The following MYRIP variants were observed in gnomAD, a reference collection of about 807,000 sequenced individuals.
MYRIP encodes rab effector MyRIP.
In MYRIP, 49 loss-of-function variants were observed where a neutral mutation model predicts 98.0. The observed-to-expected ratio is 0.50, with a 90% CI of 0.40 to 0.63. The LOEUF is 0.63. MYRIP is among the 30% of genes least tolerant of loss of function. MYRIP has a pLI of 0.00. For synonymous variants in MYRIP, 404 were observed against 409.5 expected, an observed-to-expected ratio of 0.99 and a Z score of 0.16; for missense variants, 1,004 against 1,058.2, an observed-to-expected ratio of 0.95 and a Z score of 0.71.
intron 2 of MYRIP, among the ~76,000 whole-genome samples, chr3:39,913,775 A>G (rs1944083971): frequency 6.6e-6 from 1 of 152,202 alleles, no homozygotes; most frequent in Non-Finnish European, 1.5e-5. Flanking sequence ...CTCTGTGACT[A>G]AAAAATGGCC....
At chr3:40,225,091 A>G (rs1348977510) in intron 11 of MYRIP, among the ~76,000 whole-genome samples, 1 of 152,244 alleles carries the variant, frequency 6.6e-6, no homozygotes, top group Non-Finnish European at 1.5e-5. Context: ...AGGCATTTGG[A>G]CAAACTTTCT....
At chr3:40,115,841 C>T (rs1352529315) in intron 3 of MYRIP, among the ~76,000 whole-genome samples, 2 of 150,890 alleles carry the variant, frequency 1.3e-5, no homozygotes, top group Non-Finnish European at 2.9e-5. Flanking sequence ...ATTTATGTCA[C>T]GATTTTATTA....
chr3:39,826,097 C>G (rs926573654), intron 1 of MYRIP, among the ~76,000 whole-genome samples: 1 of 150,488 alleles, frequency 6.6e-6, no homozygotes, highest in Non-Finnish European at 1.5e-5. Context: ...AATAGTTTGT[C>G]AATTTTGTTT....
intron 2 of MYRIP, among the ~76,000 whole-genome samples, chr3:40,042,288 TAAAAAAAAAA>T (rs66600615): frequency 8.9e-6 from 1 of 112,580 alleles, no homozygotes; most frequent in African/African-American, 3.4e-5. Context: ...ACTGGAAGGA[TAAAAAAAAAA>T]AAAAAAAAAA....
chr3:40,132,607 G>T (rs557443950), intron 3 of MYRIP, among the ~76,000 whole-genome samples: 1 of 152,344 alleles, frequency 6.6e-6, no homozygotes, highest in African/African-American at 2.4e-5. Flanking sequence ...CTAGGGTTTT[G>T]ACCTCTCAGT....
At chr3:40,154,995 T>A (rs959398038) in intron 4 of MYRIP, among the ~76,000 whole-genome samples, 2 of 152,096 alleles carry the variant, frequency 1.3e-5, no homozygotes, top group Non-Finnish European at 2.9e-5. Flanking sequence ...TTATTATTTT[T>A]TTATTATTAT....
At chr3:39,884,918 C>T (rs111816565) in intron 1 of MYRIP, among the ~76,000 whole-genome samples, 2,056 of 136,166 alleles carry the variant, frequency 0.015, 54 homozygotes, top group African/African-American at 0.053. Context: ...TCTCTCTCTC[C>T]CTCCCTCCCC....
Position 40,044,203 on chromosome 3 carries a change from C to T in MYRIP, c.264C>T (p.Val88=). 2 of 1,614,222 alleles carry T rather than the reference C, an allele frequency of 1.2e-6. No homozygotes were observed. Among genetic ancestry groups the T allele is most frequent in the Non-Finnish European group, 1.7e-6 (2 of 1,180,036 alleles). ...KRQCGDCKFN[V]CKSCCSYQKH... is the part of the protein sequence containing the mutation. ...AGTGTGGAGATTGCAAATTCAATGT[C>T]TGCAAGAGCTGCTGCTCCTACCAGA... The change falls in exon 3 of 17, where the codon GTC becomes GTT. Residue 88 remains valine (V), a synonymous_variant. Transcript: ENST00000302541.
At chr3:40,209,494 T>G (rs1224739675) in intron 10 of MYRIP, among the ~76,000 whole-genome samples, 1 of 152,118 alleles carries the variant, frequency 6.6e-6, no homozygotes, top group Non-Finnish European at 1.5e-5. Flanking sequence ...ATGGAAAGTT[T>G]TAGTGTGTCT....
chr3:39,922,265 G>C (rs921296820), intron 2 of MYRIP, among the ~76,000 whole-genome samples: 2 of 152,166 alleles, frequency 1.3e-5, no homozygotes, highest in African/African-American at 4.8e-5. Context: ...ACTAGGAAAA[G>C]GGCAGCCAAA....
chr3:40,146,417 T>G (rs1469659361), intron 3 of MYRIP, among the ~76,000 whole-genome samples: 1 of 152,202 alleles, frequency 6.6e-6, no homozygotes, highest in Non-Finnish European at 1.5e-5. Context: ...GAAAGACACA[T>G]GTGCTCAGGA....
chr3:39,990,781 C>T (rs1410860138), intron 2 of MYRIP, among the ~76,000 whole-genome samples: 6 of 152,192 alleles, frequency 3.9e-5, no homozygotes, highest in Admixed American at 6.5e-5. Flanking sequence ...ACTCTGAATG[C>T]ATGTTCATTG....
intron 11 of MYRIP, among the ~76,000 whole-genome samples, chr3:40,225,619 C>T (rs564781972): frequency 6.6e-6 from 1 of 152,182 alleles, no homozygotes; most frequent in Non-Finnish European, 1.5e-5. Context: ...CTTCACTGAG[C>T]CACAGTTTTC....
intron 1 of MYRIP, among the ~76,000 whole-genome samples, chr3:39,852,251 C>G (rs1036437962): frequency 6.6e-6 from 1 of 152,206 alleles, no homozygotes; most frequent in South Asian, 2.1e-4. Context: ...TGGGGCACAG[C>G]ACACAGCTTC....
chr3:40,044,125 CT>C lies in MYRIP; in HGVS notation c.187del (p.Cys63AlafsTer51). On this transcript the variant is annotated frameshift_variant, in exon 3 of 17. Coordinates refer to ENST00000302541, the MANE Select transcript of MYRIP (RefSeq NM_015460.4). LOFTEE classifies it high-confidence loss of function. ...LSKHQQFVEH[C>X]CMRCCSPFTF... is the part of the protein sequence containing the mutation. ...CGAAGCACCAGCAGTTTGTGGAGCACTGCTGCATGCGCTGCTGCTCGCCCTT... is the reference window on the plus strand; with the variant it reads ...CGAAGCACCAGCAGTTTGTGGAGCACGCTGCATGCGCTGCTGCTCGCCCTT... 6.2e-7 allele frequency: 1 copy of C among 1,614,174 alleles called. No individual in the cohort carries two copies. The highest frequency in any genetic ancestry group is 8.5e-7 in the Non-Finnish European group (1 of 1,180,030).
chr3:39,986,357 A>G (rs1946030406), intron 2 of MYRIP, among the ~76,000 whole-genome samples: 2 of 151,920 alleles, frequency 1.3e-5, no homozygotes, highest in Admixed American at 1.3e-4. Flanking sequence ...TTTTACATTT[A>G]TATATGAGAA....
chr3:40,218,624 A>ATATAT (rs1952218524), intron 11 of MYRIP, among the ~76,000 whole-genome samples: 1 of 12,270 alleles, frequency 8.1e-5, no homozygotes, highest in African/African-American at 1.3e-4. Flanking sequence ...ATATATATAT[A>ATATAT]TATATATATA....
At position 39,882,855 on chromosome 3, in the gene MYRIP, C is replaced by G. The variant is rs1034163401; in HGVS notation, c.-30-17932C>G. On this transcript the variant is annotated intron_variant, in intron 1 of 16. Transcript: ENST00000302541. ...TAATCATATAACCCTCCCCACTGCACCTGCCCCCCCTCCGCATTAATATAG... is the reference window on the plus strand; with the variant it reads ...TAATCATATAACCCTCCCCACTGCAGCTGCCCCCCCTCCGCATTAATATAG... Among the ~76,000 whole-genome samples, 3 of 152,024 alleles carry G rather than the reference C, an allele frequency of 2.0e-5. No homozygotes were observed. The South Asian group carries it at 6.2e-4, about 32-fold the overall frequency.
chr3:40,182,540 T>G (rs2125617716), intron 9 of MYRIP, among the ~76,000 whole-genome samples, 167 bp downstream of exon 9: 1 of 152,126 alleles, frequency 6.6e-6, no homozygotes, highest in East Asian at 1.9e-4. Context: ...ACACAATATA[T>G]AATGTGGTCA....
Sources: gnomAD v4.1 joint callset for allele counts (sites outside exome capture counted in the v4.1 genomes callset) on GRCh38, gnomAD v4.1.1 for gene constraint, MANE v1.5 for transcripts, NCBI Gene and HGNC (gene_info 2026-07-23, HGNC 2026-07-21) for gene names.